Variants in DUSP22 observed in about 807,000 individuals in gnomAD.
DUSP22 encodes dual specificity phosphatase 22, also known as dual specificity protein phosphatase 22.
In DUSP22, 24 loss-of-function variants were observed where a neutral mutation model predicts 24.5. The ratio of observed to expected loss-of-function variants is 0.98; its 90% CI spans 0.71 to 1.38. DUSP22 has a LOEUF of 1.38. DUSP22 is among the 40% of genes most tolerant of loss of function. The pLI is 0.00. For synonymous variants in DUSP22, 160 were observed against 106.4 expected, an observed-to-expected ratio of 1.50 and a Z score of -3.10; for missense variants, 330 against 269.2, an observed-to-expected ratio of 1.23 and a Z score of -1.58.
intron 3 of DUSP22, among the ~76,000 whole-genome samples, chr6:322,125 A>G (rs917689414): frequency 2.0e-5 from 3 of 152,306 alleles, no homozygotes; most frequent in African/African-American, 4.8e-5. Context: ...ACATATCTAC[A>G]TAGTGTATAC....
chr6:327,196 C>G (rs1387995080), intron 3 of DUSP22, among the ~76,000 whole-genome samples: 1 of 152,308 alleles, frequency 6.6e-6, no homozygotes, highest in African/African-American at 2.4e-5. Flanking sequence ...AGGTCTGAAT[C>G]TTGGGGCTGG....
At chr6:310,799 T>C (rs960631998) in intron 2 of DUSP22, among the ~76,000 whole-genome samples, 1 of 152,308 alleles carries the variant, frequency 6.6e-6, no homozygotes, top group Admixed American at 6.5e-5. Flanking sequence ...AGGTCATCTC[T>C]TACAAATGCT....
At chr6:330,299 G>T (rs7776274) in intron 3 of DUSP22, among the ~76,000 whole-genome samples, 26 of 152,278 alleles carry the variant, frequency 1.7e-4, no homozygotes, top group African/African-American at 4.1e-4. Flanking sequence ...GTTTTGAAGA[G>T]GCTCCTGCAG....
chr6:348,602 C>G, intron 6 of DUSP22, 167 bp from the exon 7 acceptor site: 1 of 1,213,170 alleles, frequency 8.2e-7, no homozygotes, highest in Non-Finnish European at 1.2e-6. Flanking sequence ...AGTTCCTTCT[C>G]TTGCTTGACC....
chr6:341,304 C>G (rs1759596876), intron 4 of DUSP22, among the ~76,000 whole-genome samples: 2 of 152,306 alleles, frequency 1.3e-5, no homozygotes, highest in South Asian at 4.1e-4. Context: ...GAACAGGGAA[C>G]TTGTGTTCAT....
chr6:315,341 G>A (rs1216697525), intron 3 of DUSP22, among the ~76,000 whole-genome samples: 1 of 152,298 alleles, frequency 6.6e-6, no homozygotes, highest in African/African-American at 2.4e-5. Flanking sequence ...CTAGAGATCA[G>A]CAAGCCTAAC....
At chr6:311,401 C>T (rs1173559539) in intron 2 of DUSP22, among the ~76,000 whole-genome samples, 1 of 152,308 alleles carries the variant, frequency 6.6e-6, no homozygotes, top group East Asian at 1.9e-4. Context: ...TTAGGCAAGG[C>T]CGGGCGCGGT....
Position 349,756 on chromosome 6 carries a change from A to C in DUSP22, c.*805A>C. On this transcript the variant is annotated 3_prime_UTR_variant, in exon 7 of 7. Coordinates refer to ENST00000419235, the MANE Select transcript of DUSP22 (RefSeq NM_001286555.3). ...AGGCTGAGGGTTCCCTAGCGCCTTG[A>C]GTCAAGGCCACTTTTCAGCCCATCG... 1.7e-5 allele frequency: 17 copies of C among 985,978 alleles called. No homozygotes were observed. Among genetic ancestry groups the C allele is most frequent in the Non-Finnish European group, 1.9e-5 (16 of 830,262 alleles). 61.1% of individuals were successfully genotyped at this position (985,978 alleles called of 1,614,324 possible).
intron 1 of DUSP22, among the ~76,000 whole-genome samples, chr6:297,494 G>A (rs1475281375): frequency 4.6e-5 from 7 of 152,306 alleles, no homozygotes; most frequent in African/African-American, 1.2e-4. Flanking sequence ...GTTCCTCAAC[G>A]GCTACACCTG....
chr6:298,240 A>G (rs1341090229), intron 1 of DUSP22, among the ~76,000 whole-genome samples: 1 of 152,206 alleles, frequency 6.6e-6, no homozygotes, highest in Admixed American at 6.5e-5. Flanking sequence ...TTTATATGCA[A>G]ACTGGTTAAG....
At chr6:327,824 G>C (rs1188024849) in intron 3 of DUSP22, among the ~76,000 whole-genome samples, 13 of 152,302 alleles carry the variant, frequency 8.5e-5, no homozygotes, top group Non-Finnish European at 1.9e-4. Context: ...GCCGGGAGCA[G>C]GGAAGCACAG....
chr6:306,920 C>G (rs1049236272), intron 2 of DUSP22, among the ~76,000 whole-genome samples: 10 of 152,304 alleles, frequency 6.6e-5, no homozygotes, highest in Non-Finnish European at 1.3e-4. Flanking sequence ...GCGGGGCTGA[C>G]CCAGACAATG....
chr6:309,695 CACACACACACACACACACACACAT>C (rs1244785989), intron 2 of DUSP22, among the ~76,000 whole-genome samples: 1,481 of 102,138 alleles, frequency 0.015, 2 homozygotes, highest in African/African-American at 0.045. Flanking sequence ...CACACACACA[CACACACACACACACACACACACAT>C]ACTATAAAGA....
At chr6:328,605 A>G (rs1035209724) in intron 3 of DUSP22, among the ~76,000 whole-genome samples, 2 of 152,298 alleles carry the variant, frequency 1.3e-5, no homozygotes, top group African/African-American at 4.8e-5. Context: ...CATCAGTACC[A>G]CAGAGTTCTT....
chr6:313,300 A>C (rs1371890846), intron 3 of DUSP22, among the ~76,000 whole-genome samples: 3 of 152,300 alleles, frequency 2.0e-5, no homozygotes, highest in Non-Finnish European at 4.4e-5. Context: ...AATGGAACAC[A>C]CTGTCATGTG....
chr6:333,256 C>G (rs899621095), intron 3 of DUSP22, among the ~76,000 whole-genome samples: 2 of 152,296 alleles, frequency 1.3e-5, no homozygotes, highest in Non-Finnish European at 2.9e-5. Context: ...CCTCACTTTC[C>G]TCTTCCACCA....
chr6:328,827 G>A (rs566124017), intron 3 of DUSP22, among the ~76,000 whole-genome samples: 19 of 152,408 alleles, frequency 1.2e-4, no homozygotes, highest in African/African-American at 4.6e-4. Flanking sequence ...ACAAAAAAGA[G>A]AGGAGAGGTC....
intron 3 of DUSP22, among the ~76,000 whole-genome samples, chr6:330,800 A>G (rs907625964): frequency 3.3e-5 from 5 of 152,306 alleles, no homozygotes; most frequent in Non-Finnish European, 5.9e-5. Flanking sequence ...AACCTTCACT[A>G]GAAAGCTGTC....
At chr6:308,693 C>G (rs572006685) in intron 2 of DUSP22, among the ~76,000 whole-genome samples, 5 of 152,422 alleles carry the variant, frequency 3.3e-5, no homozygotes, top group East Asian at 3.8e-4. Context: ...AGAAAATGTT[C>G]TAAAGTTATA....
Sources: allele counts gnomAD v4.1 joint callset (sites outside exome capture counted in the v4.1 genomes callset), GRCh38; gene constraint gnomAD v4.1.1; transcripts MANE v1.5; gene names NCBI Gene and HGNC (gene_info 2026-07-23, HGNC 2026-07-21).